Variants in ANOS1 observed in about 807,000 individuals in gnomAD.
ANOS1 encodes anosmin 1, also known as anosmin-1.
In ANOS1, 6 loss-of-function variants were observed where a neutral mutation model predicts 59.0. The ratio of observed to expected loss-of-function variants is 0.10; its 90% CI spans 0.06 to 0.20. The LOEUF (loss-of-function observed/expected upper bound fraction) is 0.20. ANOS1 is among the 10% of genes least tolerant of loss of function. The pLI is 1.00. For missense variants in ANOS1, 433 were observed against 542.3 expected, an observed-to-expected ratio of 0.80 and a Z score of 2.00; for synonymous variants, 217 against 223.4, an observed-to-expected ratio of 0.97 and a Z score of 0.25.
chrX:8,576,283 C>G (rs1930319526), intron 6 of ANOS1, among the ~76,000 whole-genome samples: 1 of 111,132 alleles, frequency 9.0e-6, no homozygotes, highest in African/African-American at 3.3e-5. Flanking sequence ...TTTACTCAGT[C>G]CTAACAAGTT....
Position 8,639,950 on chromosome X carries a change from A to G in ANOS1, c.256-16280T>C, listed in dbSNP as rs16985081. ...CCACCGCATCCCCACCCAGAGGACTAAATGAACCAGTGACAACAAAATGCT... is the reference window on the plus strand; with the variant it reads ...CCACCGCATCCCCACCCAGAGGACTGAATGAACCAGTGACAACAAAATGCT... On this transcript the variant is annotated intron_variant, in intron 2 of 13. Transcript: ENST00000262648. Among the ~76,000 whole-genome samples, 316 of 110,951 alleles carry G rather than the reference A, an allele frequency of 2.8e-3. 1 individual carries two copies. The highest frequency in any genetic ancestry group is 9.8e-3 in the African/African-American group (300 of 30,601).
At chrX:8,547,779 C>T (rs954898112) in intron 9 of ANOS1, among the ~76,000 whole-genome samples, 8 of 111,486 alleles carry the variant, frequency 7.2e-5, no homozygotes, top group Non-Finnish European at 1.3e-4. Context: ...GTCAGTGGCG[C>T]GGTCTCGGCT....
intron 3 of ANOS1, among the ~76,000 whole-genome samples, chrX:8,622,349 T>C (rs1378045780): frequency 8.9e-6 from 1 of 112,019 alleles, no homozygotes; most frequent in Non-Finnish European, 1.9e-5. Context: ...TATGAAGATA[T>C]TTTACACACA....
intron 6 of ANOS1, among the ~76,000 whole-genome samples, chrX:8,579,559 A>G (rs1930385711): frequency 8.9e-6 from 1 of 112,034 alleles, no homozygotes; most frequent in Non-Finnish European, 1.9e-5. Context: ...AACAGGAATC[A>G]CGCTGATGTT....
At chrX:8,661,123 G>A in intron 2 of ANOS1, among the ~76,000 whole-genome samples, 1 of 111,741 alleles carries the variant, frequency 8.9e-6, no homozygotes, top group Non-Finnish European at 1.9e-5. Flanking sequence ...GCTTGTAGAT[G>A]CTGTCTTCTC....
At chrX:8,591,232 T>C (rs1487317548) in intron 4 of ANOS1, among the ~76,000 whole-genome samples, 1 of 111,497 alleles carries the variant, frequency 9.0e-6, no homozygotes, top group Admixed American at 9.6e-5. Context: ...GGCCTGCATA[T>C]GCCAGACAAA....
intron 9 of ANOS1, among the ~76,000 whole-genome samples, chrX:8,543,586 G>A (rs954635499): frequency 2.7e-5 from 3 of 110,404 alleles, no homozygotes; most frequent in Non-Finnish European, 5.7e-5. Context: ...AGTTCAGGCC[G>A]GGCGTGGTGG....
chrX:8,594,759 T>TCTAC (rs1930702668), intron 4 of ANOS1, among the ~76,000 whole-genome samples: 1 of 82,668 alleles, frequency 1.2e-5, no homozygotes, highest in African/African-American at 4.6e-5. Context: ...TACATATATA[T>TCTAC]ATATATATTT....
rs1320900002 is a variant in ANOS1, at chrX:8,660,708, T to C, written c.256-37038A>G. On this transcript the variant is annotated intron_variant, in intron 2 of 13. Transcript: ENST00000262648. The stretch of plus-strand genomic sequence containing the variant: ...TGAGAATACAAACTCTGCTTCATGC[T>C]TCCTATGCATACATGCCCTAAAGAA... Among the ~76,000 whole-genome samples, 6 of 112,237 alleles carry C rather than the reference T, an allele frequency of 5.3e-5. No individual in the cohort carries two copies. The East Asian group carries it at 1.7e-3, about 31-fold the overall frequency.
At chrX:8,664,482 C>A (rs1010693581) in intron 2 of ANOS1, among the ~76,000 whole-genome samples, 1 of 110,280 alleles carries the variant, frequency 9.1e-6, no homozygotes. Context: ...TGTGAGCCAC[C>A]GCCCCCGGCC....
chrX:8,623,598 G>T lies in ANOS1; in HGVS notation c.318+10C>A, dbSNP rs768017431. ...GTCAAGTGTTTTAAGTACCACTGAC[G>T]TTCTCCTACCTCACAAAAGCTTTGG... On this transcript the variant is annotated intron_variant, in intron 3 of 13. Coordinates refer to ENST00000262648, the MANE Select transcript of ANOS1 (RefSeq NM_000216.4). 3 of 1,190,168 alleles carry T rather than the reference G, an allele frequency of 2.5e-6. No individual in the cohort carries two copies. Among genetic ancestry groups the T allele is most frequent in the Non-Finnish European group, 3.4e-6 (3 of 877,254 alleles).
Position 8,718,606 on chromosome X carries a change from T to C in ANOS1, c.207+13224A>G, listed in dbSNP as rs1257990365. Among the ~76,000 whole-genome samples, 4 of 112,037 alleles carry C rather than the reference T, an allele frequency of 3.6e-5. No homozygotes were observed. In the East Asian group the frequency reaches 1.1e-3, roughly 31 times the overall value. On this transcript the variant is annotated intron_variant, in intron 1 of 13. Transcript: ENST00000262648. ...CTTGGCATTCATGGCATCAACAGGA[T>C]TGGTTTCAACTCTAGGGGCCAGGCG...
At chrX:8,643,165 A>G (rs776413721) in intron 2 of ANOS1, among the ~76,000 whole-genome samples, 51 of 111,952 alleles carry the variant, frequency 4.6e-4, no homozygotes, top group Middle Eastern at 4.7e-3. Flanking sequence ...AGACATATCA[A>G]TGAAAGAATT....
At chrX:8,581,194 T>C (rs111777657) in intron 6 of ANOS1, among the ~76,000 whole-genome samples, 8,069 of 110,922 alleles carry the variant, frequency 0.073, 720 homozygotes, top group African/African-American at 0.24. Context: ...GGGGAGGTAA[T>C]TGAATCATGG....
intron 2 of ANOS1, among the ~76,000 whole-genome samples, chrX:8,646,324 C>T (rs940622863): frequency 3.6e-5 from 4 of 110,796 alleles, no homozygotes; most frequent in African/African-American, 6.6e-5. Context: ...ACTATCGGTG[C>T]GTGCCATCAC....
At chrX:8,545,325 A>G (rs2146792049) in intron 9 of ANOS1, among the ~76,000 whole-genome samples, 1 of 101,323 alleles carries the variant, frequency 9.9e-6, no homozygotes, top group African/African-American at 3.6e-5. Flanking sequence ...AAAGGAAAGG[A>G]AAAGAGGAGA....
At chrX:8,549,754 G>T (rs1929827609) in intron 9 of ANOS1, among the ~76,000 whole-genome samples, 3 of 112,182 alleles carry the variant, frequency 2.7e-5, no homozygotes, top group Non-Finnish European at 5.6e-5. Flanking sequence ...CCTAGGAGGT[G>T]ATCTATAATG....
chrX:8,595,711 T>C (rs748107634), intron 4 of ANOS1, among the ~76,000 whole-genome samples: 1 of 111,562 alleles, frequency 9.0e-6, no homozygotes, highest in East Asian at 2.8e-4. Context: ...AAGACATCTG[T>C]TACTCTCTCT....
At chrX:8,675,363 C>T (rs1932319710) in intron 2 of ANOS1, among the ~76,000 whole-genome samples, 3 of 111,933 alleles carry the variant, frequency 2.7e-5, no homozygotes, top group African/African-American at 9.8e-5. Context: ...AAGGCAGCAT[C>T]TCAAAGGATT....
Sources: allele counts gnomAD v4.1 joint callset (sites outside exome capture counted in the v4.1 genomes callset), GRCh38; gene constraint gnomAD v4.1.1; transcripts MANE v1.5; gene names NCBI Gene and HGNC (gene_info 2026-07-23, HGNC 2026-07-21).